Variants in RUFY2 observed in about 807,000 individuals in gnomAD.
The protein encoded by RUFY2 is RUN and FYVE domain containing 2.
A neutral mutation model predicts 94.4 loss-of-function variants in RUFY2; 49 were observed. That is an observed-to-expected ratio of 0.52 (90% CI 0.41 to 0.66). The LOEUF (loss-of-function observed/expected upper bound fraction) is 0.66. RUFY2 is among the 30% of genes least tolerant of loss of function. RUFY2 has a pLI of 0.00. For missense variants in RUFY2, 541 were observed against 692.8 expected (o/e 0.78, Z 2.46); for synonymous variants, 255 against 235.7 (o/e 1.08, Z -0.75).
At chr10:68,347,323 C>T (rs1423647251) in intron 16 of RUFY2, among the ~76,000 whole-genome samples, 5 of 123,810 alleles carry the variant, frequency 4.0e-5, no homozygotes, top group African/African-American at 6.3e-5. Flanking sequence ...CTCACTCTGT[C>T]GCCCAGGCTG....
At chr10:68,371,860 C>G (rs2048304913) in intron 13 of RUFY2, among the ~76,000 whole-genome samples, 1 of 151,966 alleles carries the variant, frequency 6.6e-6, no homozygotes, top group Non-Finnish European at 1.5e-5. Context: ...ATCAGAAAAC[C>G]ATAAAGGCCA....
At chr10:68,388,402 GCAA>G in intron 7 of RUFY2, among the ~76,000 whole-genome samples, 1 of 152,166 alleles carries the variant, frequency 6.6e-6, no homozygotes, top group African/African-American at 2.4e-5. Flanking sequence ...GGTGGAGGTT[GCAA>G]TGAGCTGAGA....
chr10:68,353,725 G>T (rs1479574373), intron 16 of RUFY2, among the ~76,000 whole-genome samples: 1 of 152,018 alleles, frequency 6.6e-6, no homozygotes, highest in Non-Finnish European at 1.5e-5. Flanking sequence ...CTTGAGCCCA[G>T]GAGTTTGAGA....
chr10:68,407,016 C>T, intron 1 of RUFY2, 170 bp downstream of exon 1: 1 of 1,491,704 alleles, frequency 6.7e-7, no homozygotes, highest in Non-Finnish European at 8.9e-7. Flanking sequence ...GTTGCCATGA[C>T]GACCCCGGGA....
chr10:68,375,772 T>A (rs2048591673), intron 13 of RUFY2, among the ~76,000 whole-genome samples: 2 of 140,284 alleles, frequency 1.4e-5, no homozygotes, highest in African/African-American at 2.6e-5. Flanking sequence ...CGAGACTCCA[T>A]CTCAAAAAAA....
At chr10:68,406,944 A>C (rs758074044) in intron 1 of RUFY2, 2 of 1,552,338 alleles carry the variant, frequency 1.3e-6, no homozygotes, top group African/African-American at 2.7e-5. Flanking sequence ...TGGCACCTCG[A>C]GCCCTCGGCC....
intron 3 of RUFY2, among the ~76,000 whole-genome samples, chr10:68,400,612 G>T (rs763933796): frequency 7.9e-5 from 12 of 151,026 alleles, no homozygotes; most frequent in Non-Finnish European, 1.8e-4. Context: ...TGAGGCGGAG[G>T]TTGCAGTGAG....
Position 68,404,658 on chromosome 10 carries a change from A to G in RUFY2, c.178+13T>C. ...ATTCTAAAATGAATTAATTTTTTAAAATCTCATGATACCTTTAAGACCGTG... is the reference window on the plus strand; with the variant it reads ...ATTCTAAAATGAATTAATTTTTTAAGATCTCATGATACCTTTAAGACCGTG... On this transcript the variant is annotated intron_variant, in intron 2 of 17. Transcript: ENST00000602465. 6.6e-7 allele frequency: 1 copy of G among 1,504,126 alleles called. No homozygotes were observed. Among genetic ancestry groups the G allele is most frequent in the Middle Eastern group, 1.8e-4 (1 of 5,638 alleles). The allele number at this position is 1,504,126 out of a possible 1,614,324, so 93.2% of individuals were successfully genotyped here. A position where few individuals can be genotyped will look rare whatever the true frequency, so the allele number is the denominator to read the frequency against.
At chr10:68,376,442 G>GTGTATATA (rs1277502418) in intron 13 of RUFY2, among the ~76,000 whole-genome samples, 4 of 27,966 alleles carry the variant, frequency 1.4e-4, no homozygotes, top group Non-Finnish European at 2.0e-4. Flanking sequence ...AAAAATGTGT[G>GTGTATATA]TATATATATA....
At chr10:68,377,396 G>A (rs1004064906) in intron 12 of RUFY2, 1 of 1,007,582 alleles carries the variant, frequency 9.9e-7, no homozygotes, top group Non-Finnish European at 1.2e-6. Flanking sequence ...GCTAGGATGT[G>A]TATGCCAGGA....
At chr10:68,355,100 G>C (rs1185287211) in intron 16 of RUFY2, among the ~76,000 whole-genome samples, 2 of 152,116 alleles carry the variant, frequency 1.3e-5, no homozygotes, top group African/African-American at 4.8e-5. Context: ...ACCTGCCTCG[G>C]CCTCCCAAAG....
intron 16 of RUFY2, among the ~76,000 whole-genome samples, chr10:68,348,683 T>C (rs1272255458): frequency 1.3e-5 from 2 of 152,182 alleles, no homozygotes; most frequent in Non-Finnish European, 2.9e-5. Flanking sequence ...ACATGGAGAC[T>C]AGGCCTTTGG....
intron 7 of RUFY2, among the ~76,000 whole-genome samples, chr10:68,387,500 TA>T (rs2049596998): frequency 1.3e-5 from 2 of 152,162 alleles, no homozygotes; most frequent in South Asian, 4.1e-4. Context: ...CAGAAACAAG[TA>T]TTGGTATTTT....
Position 68,404,794 on chromosome 10 carries a change from T to G in RUFY2, c.55A>C (p.Lys19Gln), listed in dbSNP as rs1407585417. The change falls in exon 2 of 18, where the codon AAA (lysine) becomes CAA (glutamine). Residue 19 changes from lysine to glutamine, a missense_variant. Lys to Gln is a moderately conservative substitution (Grantham distance 53). Around this residue, in one of 3 missense-constraint regions of RUFY2, gnomAD observed 53 missense variants for 58.6 expected, o/e 0.90. Coordinates refer to ENST00000602465, the MANE Select transcript of RUFY2 (RefSeq NM_001330103.2). ...TCAATGAGTCCTTTGATACTCAGTT[T>G]AGCCATGTTTAACAAGTTTGCTCTC... ...VERANLLNMA[K>Q]LSIKGLIESA... The G allele has an allele frequency of 6.2e-7, 1 of 1,613,062 alleles. No individual in the cohort carries two copies. Among genetic ancestry groups the G allele is most frequent in the Non-Finnish European group, 8.5e-7 (1 of 1,179,632 alleles).
chr10:68,365,006 T>C (rs1026029208), intron 13 of RUFY2, among the ~76,000 whole-genome samples: 4 of 152,256 alleles, frequency 2.6e-5, no homozygotes, highest in Admixed American at 2.0e-4. Context: ...CTAACAATAC[T>C]ACAGTTACTA....
chr10:68,350,137 G>A (rs374451666), intron 16 of RUFY2, among the ~76,000 whole-genome samples: 31 of 152,174 alleles, frequency 2.0e-4, no homozygotes, highest in South Asian at 1.5e-3. Flanking sequence ...AGCCTCCCAA[G>A]TAGCTGGGAC....
intron 7 of RUFY2, among the ~76,000 whole-genome samples, chr10:68,386,468 G>A (rs1384272224): frequency 6.6e-6 from 1 of 152,080 alleles, no homozygotes; most frequent in East Asian, 1.9e-4. Flanking sequence ...TTCTGCCTCA[G>A]CCTCCTGAAT....
At chr10:68,361,788 T>C (rs1246411934) in intron 15 of RUFY2, among the ~76,000 whole-genome samples, 2 of 152,234 alleles carry the variant, frequency 1.3e-5, no homozygotes, top group Admixed American at 1.3e-4. Context: ...ATTGAATATA[T>C]ACAAATGACA....
chr10:68,385,605 AT>A (rs928275275), intron 8 of RUFY2, among the ~76,000 whole-genome samples: 8 of 151,086 alleles, frequency 5.3e-5, no homozygotes, highest in East Asian at 1.9e-4. Context: ...TTTAATGTGT[AT>A]TTTTTTTTGT....
Sources: gnomAD v4.1 joint callset for allele counts (sites outside exome capture counted in the v4.1 genomes callset) on GRCh38, gnomAD v4.1.1 for gene constraint, gnomAD v4.1.1 regional missense constraint, MANE v1.5 for transcripts, NCBI Gene and HGNC (gene_info 2026-07-23, HGNC 2026-07-21) for gene names.